TCF7L2: variants seen among roughly 807,000 people sequenced by gnomAD.
TCF7L2 encodes transcription factor 7-like 2.
In TCF7L2, 23 loss-of-function variants were observed where a neutral mutation model predicts 77.9. That is an observed-to-expected ratio of 0.30 (90% CI 0.21 to 0.42). TCF7L2 has a LOEUF of 0.42. Ranked by LOEUF, TCF7L2 falls within the 10% of genes least tolerant of loss-of-function variation. The probability of loss-of-function intolerance (pLI) is 1.00; values close to 1 mark genes in which losing one functional copy is unlikely to be tolerated. For synonymous variants in TCF7L2, 413 were observed against 340.2 expected, an observed-to-expected ratio of 1.21 and a Z score of -2.36; for missense variants, 654 against 793.1, an observed-to-expected ratio of 0.82 and a Z score of 2.11.
chr10:113,107,774 A>AAAAC (rs1408038947), intron 5 of TCF7L2, among the ~76,000 whole-genome samples: 6 of 149,786 alleles, frequency 4.0e-5, no homozygotes, highest in Admixed American at 1.4e-4. Flanking sequence ...AAAAAAAAAA[A>AAAAC]AACAACAAAA....
intron 12 of TCF7L2, among the ~76,000 whole-genome samples, chr10:113,158,937 A>T (rs2072545443): frequency 6.7e-6 from 1 of 149,206 alleles, no homozygotes; most frequent in Non-Finnish European, 1.5e-5. Flanking sequence ...TTTTCCCATA[A>T]CAGTTGTTTA....
chr10:113,059,822 A>G (rs548604253), intron 5 of TCF7L2, among the ~76,000 whole-genome samples: 2 of 152,318 alleles, frequency 1.3e-5, no homozygotes, highest in South Asian at 4.1e-4. Context: ...ACTATTAAAC[A>G]TGTCAGTAAG....
intron 3 of TCF7L2, among the ~76,000 whole-genome samples, chr10:112,961,124 C>T (rs944009196): frequency 6.6e-6 from 1 of 152,148 alleles, no homozygotes; most frequent in African/African-American, 2.4e-5. Flanking sequence ...AGCGATTCTC[C>T]TGCCTCAGCC....
chr10:112,992,252 T>A (rs1338600721), intron 4 of TCF7L2, among the ~76,000 whole-genome samples: 2 of 152,094 alleles, frequency 1.3e-5, no homozygotes, highest in African/African-American at 2.4e-5. Flanking sequence ...TGCCCATCCG[T>A]CCCCTCAGGC....
intron 5 of TCF7L2, among the ~76,000 whole-genome samples, chr10:113,070,269 T>TTATATA (rs34181424): frequency 0.18 from 21,812 of 123,652 alleles, 2,171 homozygotes; most frequent in Non-Finnish European, 0.21. Context: ...AAAAAAAAAT[T>TTATATA]TATATATATA....
At chr10:112,976,053 T>G (rs1256482557) in intron 4 of TCF7L2, among the ~76,000 whole-genome samples, 2 of 152,174 alleles carry the variant, frequency 1.3e-5, no homozygotes, top group African/African-American at 4.8e-5. Context: ...GTCAGGTATA[T>G]CTATCTGGGT....
chr10:112,983,771 G>C (rs1431514736), intron 4 of TCF7L2, among the ~76,000 whole-genome samples: 4 of 152,204 alleles, frequency 2.6e-5, no homozygotes, highest in African/African-American at 7.2e-5. Context: ...TGTCGTATGG[G>C]AGAAGGCACT....
At chr10:112,967,223 G>T (rs1025761098) in intron 4 of TCF7L2, among the ~76,000 whole-genome samples, 1 of 152,088 alleles carries the variant, frequency 6.6e-6, no homozygotes. Flanking sequence ...CGTGATTGTC[G>T]GGGCAGAATT....
intron 4 of TCF7L2, among the ~76,000 whole-genome samples, chr10:113,021,787 C>T (rs141749294): frequency 5.9e-5 from 9 of 152,326 alleles, no homozygotes; most frequent in South Asian, 2.1e-4. Context: ...TTGTTGACAG[C>T]GTGGACTTTT....
At chr10:113,141,384 T>C in intron 6 of TCF7L2, 68 bp downstream of exon 6, 1 of 1,604,680 alleles carries the variant, frequency 6.2e-7, no homozygotes, top group Non-Finnish European at 8.5e-7. Flanking sequence ...CTTTGAGGCC[T>C]CCACAGGAAC....
chr10:113,034,856 A>AC, intron 4 of TCF7L2, among the ~76,000 whole-genome samples: 1 of 152,336 alleles, frequency 6.6e-6, no homozygotes, highest in East Asian at 1.9e-4. Context: ...AGCTTGCGTC[A>AC]CTGCACTCCA....
Position 113,141,336 on chromosome 10 carries a change from G to A in TCF7L2, c.685+20G>A, listed in dbSNP as rs562928163. 5.0e-5 allele frequency: 80 copies of A among 1,613,938 alleles called. No homozygotes were observed. Among genetic ancestry groups the A allele is most frequent in the Non-Finnish European group, 5.2e-5 (61 of 1,179,946 alleles). ...AAACAGGTAGGCTGTGGGCTACGGA[G>A]CCAAGGTAGAGTGCTGGTCCTGGGG... On this transcript the variant is annotated intron_variant, in intron 6 of 13. Coordinates refer to ENST00000627217, the MANE Select transcript of TCF7L2 (RefSeq NM_001146274.2).
At chr10:113,036,791 T>C in intron 4 of TCF7L2, among the ~76,000 whole-genome samples, 1 of 152,190 alleles carries the variant, frequency 6.6e-6, no homozygotes, top group South Asian at 2.1e-4. Context: ...TTTAATGTTT[T>C]TGTAGGCAAT....
intron 5 of TCF7L2, among the ~76,000 whole-genome samples, chr10:113,074,925 A>G (rs548452496): frequency 6.6e-6 from 1 of 152,370 alleles, no homozygotes; most frequent in African/African-American, 2.4e-5. Context: ...TATCAAAAAC[A>G]TCAACAGTGC....
At position 113,009,446 on chromosome 10, in the gene TCF7L2, A is replaced by G. The variant is rs1184522118; in HGVS notation, c.451-30579A>G. Among the ~76,000 whole-genome samples the G allele has an allele frequency of 4.6e-5, 7 of 152,196 alleles. No homozygotes were observed. The East Asian group carries it at 1.2e-3, about 25-fold the overall frequency. ...CTGGAGACTCTCGCCTGCATTCATTATACATGTCCTTTTGGTGCCTTGTTG... is the reference window on the plus strand; with the variant it reads ...CTGGAGACTCTCGCCTGCATTCATTGTACATGTCCTTTTGGTGCCTTGTTG... On this transcript the variant is annotated intron_variant, in intron 4 of 13. Coordinates refer to ENST00000627217, the MANE Select transcript of TCF7L2 (RefSeq NM_001146274.2).
chr10:112,995,138 C>T (rs1294834371), intron 4 of TCF7L2, among the ~76,000 whole-genome samples: 2 of 152,104 alleles, frequency 1.3e-5, no homozygotes, highest in African/African-American at 4.8e-5. Context: ...ATGTTAGATC[C>T]ACCCTCCTCC....
chr10:113,058,455 T>C (rs1420918486), intron 5 of TCF7L2, among the ~76,000 whole-genome samples: 1 of 152,098 alleles, frequency 6.6e-6, no homozygotes, highest in Non-Finnish European at 1.5e-5. Flanking sequence ...AGATGGTTCG[T>C]TGGAAAATGT....
intron 4 of TCF7L2, among the ~76,000 whole-genome samples, chr10:112,993,654 C>T (rs1334939720): frequency 6.6e-6 from 1 of 152,218 alleles, no homozygotes; most frequent in African/African-American, 2.4e-5. Flanking sequence ...GCACTTAAAA[C>T]ACAGTGTTGG....
At chr10:112,967,635 GTT>G (rs111510229) in intron 4 of TCF7L2, among the ~76,000 whole-genome samples, 8 of 141,700 alleles carry the variant, frequency 5.6e-5, no homozygotes, top group Middle Eastern at 3.7e-3. Flanking sequence ...AAAATTAAAA[GTT>G]TTTTTTTTTT....
Sources: allele counts gnomAD v4.1 joint callset (sites outside exome capture counted in the v4.1 genomes callset), GRCh38; gene constraint gnomAD v4.1.1; transcripts MANE v1.5; gene names NCBI Gene and HGNC (gene_info 2026-07-23, HGNC 2026-07-21).